TMEM267: variants seen among roughly 807,000 people sequenced by gnomAD.
The protein encoded by TMEM267 is transmembrane protein 267, also known as transmembrane protein C5orf28.
In TMEM267, 20 loss-of-function variants were observed where a neutral mutation model predicts 19.3. The ratio of observed to expected loss-of-function variants is 1.04; its 90% confidence interval spans 0.73 to 1.51. TMEM267 has a LOEUF of 1.51. Ranked by LOEUF, TMEM267 falls within the 40% of genes most tolerant of loss-of-function variation. The probability of loss-of-function intolerance (pLI) is 0.00; values close to 1 mark genes in which losing one functional copy is unlikely to be tolerated. For missense variants in TMEM267, 242 were observed against 261.9 expected (o/e 0.92, Z 0.52); for synonymous variants, 88 against 90.3 (o/e 0.97, Z 0.15).
chr5:43,445,753 A>C lies in TMEM267; in HGVS notation c.*469T>G, dbSNP rs11547957. 0.061 allele frequency: 9,339 copies of C among 152,656 alleles called. 381 individuals are homozygous for C. Among genetic ancestry groups the C allele is most frequent in the Middle Eastern group, 0.16 (46 of 296 alleles). The allele number at this position is 152,656 out of a possible 1,614,324, so 9.5% of individuals were successfully genotyped here. On this transcript the variant is annotated 3_prime_UTR_variant, in exon 3 of 3. Coordinates refer to ENST00000397080, the MANE Select transcript of TMEM267 (RefSeq NM_022483.5). ...ATGTTAGCATTAACTATACATTTGT[A>C]TAGTTAAATGATTCATATCATTTAT...
chr5:43,460,555 A>C (rs1194045495), intron 1 of TMEM267, among the ~76,000 whole-genome samples: 1 of 152,106 alleles, frequency 6.6e-6, no homozygotes, highest in South Asian at 2.1e-4. Context: ...GGATTAAAAA[A>C]AAAACAAAAC....
At chr5:43,453,452 T>A (rs1742732007) in intron 2 of TMEM267, among the ~76,000 whole-genome samples, 2 of 152,216 alleles carry the variant, frequency 1.3e-5, no homozygotes, top group African/African-American at 4.8e-5. Context: ...TCTATGTGAA[T>A]CCATAGCAGT....
chr5:43,477,313 G>T (rs2112205917), intron 1 of TMEM267, among the ~76,000 whole-genome samples: 1 of 152,250 alleles, frequency 6.6e-6, no homozygotes, highest in East Asian at 1.9e-4. Context: ...CACAGGCCGG[G>T]GGCGGTGGCT....
At chr5:43,461,638 C>T (rs1298325671) in intron 1 of TMEM267, among the ~76,000 whole-genome samples, 1 of 152,088 alleles carries the variant, frequency 6.6e-6, no homozygotes, top group African/African-American at 2.4e-5. Flanking sequence ...GGGGCATTAG[C>T]AGTGTTCTGG....
chr5:43,476,522 T>A (rs1317503662), intron 1 of TMEM267, among the ~76,000 whole-genome samples: 4 of 145,234 alleles, frequency 2.8e-5, no homozygotes, highest in African/African-American at 5.2e-5. Context: ...TTTTTTTTTT[T>A]TTTTTTTTTT....
Position 43,445,145 on chromosome 5 carries a change from T to C in TMEM267, c.*1077A>G, listed in dbSNP as rs1197819313. Reference sequence around the variant, plus strand: ...TAATAAACTGTGCAAATATAAGATGTATAGCAACTAAATTTTCCTTCTCTA... The same window carrying C: ...TAATAAACTGTGCAAATATAAGATGCATAGCAACTAAATTTTCCTTCTCTA... On this transcript the variant is annotated 3_prime_UTR_variant, in exon 3 of 3. Coordinates refer to ENST00000397080, the MANE Select transcript of TMEM267 (RefSeq NM_022483.5). 2.0e-5 allele frequency: 3 copies of C among 152,182 alleles called. No individual in the cohort carries two copies. The highest frequency in any genetic ancestry group is 7.2e-5 in the African/African-American group (3 of 41,450). 9.4% of individuals were successfully genotyped at this position (152,182 alleles called of 1,614,324 possible).
At chr5:43,483,153 TGACA>T (rs1744895485) in intron 1 of TMEM267, among the ~76,000 whole-genome samples, 1 of 152,234 alleles carries the variant, frequency 6.6e-6, no homozygotes, top group Admixed American at 6.5e-5. Flanking sequence ...TGCAACTAAC[TGACA>T]AAGGAAACAC....
intron 2 of TMEM267, among the ~76,000 whole-genome samples, chr5:43,452,435 C>T (rs1259293195): frequency 6.6e-6 from 1 of 152,056 alleles, no homozygotes; most frequent in African/African-American, 2.4e-5. Context: ...ATAACAGACA[C>T]TGGAGACTCC....
chr5:43,470,487 A>C (rs1297621916), intron 1 of TMEM267, among the ~76,000 whole-genome samples: 1 of 152,176 alleles, frequency 6.6e-6, no homozygotes. Flanking sequence ...ATGACTCCCA[A>C]AATGTATAAA....
chr5:43,450,957 C>T (rs770166783), intron 2 of TMEM267, among the ~76,000 whole-genome samples: 9 of 152,086 alleles, frequency 5.9e-5, no homozygotes, highest in Non-Finnish European at 1.0e-4. Flanking sequence ...GCCTCAACCT[C>T]CCAAGTAGCT....
intron 1 of TMEM267, among the ~76,000 whole-genome samples, chr5:43,455,104 T>C (rs1217794072): frequency 6.6e-6 from 1 of 152,168 alleles, no homozygotes; most frequent in Non-Finnish European, 1.5e-5. Context: ...GGACTACTTA[T>C]GCCATCTTAT....
chr5:43,459,194 C>A (rs1232389320), intron 1 of TMEM267, among the ~76,000 whole-genome samples: 1 of 152,022 alleles, frequency 6.6e-6, no homozygotes, highest in Non-Finnish European at 1.5e-5. Context: ...AATTATACAC[C>A]CATGTATGAT....
intron 1 of TMEM267, among the ~76,000 whole-genome samples, chr5:43,460,016 C>T (rs1216544761): frequency 1.3e-5 from 2 of 152,262 alleles, no homozygotes; most frequent in East Asian, 3.9e-4. Flanking sequence ...TAGAGAGTTC[C>T]ATCTTAGGAT....
chr5:43,473,616 C>A (rs181940632), intron 1 of TMEM267, among the ~76,000 whole-genome samples: 3 of 152,206 alleles, frequency 2.0e-5, no homozygotes, highest in Admixed American at 2.0e-4. Context: ...AGAGAGGACA[C>A]AAACAAATGG....
chr5:43,454,057 T>C lies in TMEM267; in HGVS notation c.-74-14A>G, dbSNP rs1388550625. On this transcript the variant is annotated splice_polypyrimidine_tract_variant and intron_variant, in intron 1 of 2. Transcript: ENST00000397080. ...ATTTCCAGCACCCTAAAGGAGAAAG[T>C]AGAGAAAAATATGAATGAAGATTAT... is the stretch of plus-strand genomic sequence containing the variant. 13 of 1,481,782 alleles carry C rather than the reference T, an allele frequency of 8.8e-6. No individual in the cohort carries two copies. The highest frequency in any genetic ancestry group is 7.1e-5 in the African/African-American group (5 of 70,796). The allele number at this position is 1,481,782 out of a possible 1,614,324, so 91.8% of individuals were successfully genotyped here. A position where few individuals can be genotyped will look rare whatever the true frequency, so the allele number is the denominator to read the frequency against.
In TMEM267 at chr5:43,461,672, G is replaced by A. The variant is rs193103079; in HGVS notation, c.-74-7629C>T. Among the ~76,000 whole-genome samples the A allele has an allele frequency of 3.3e-5, 5 of 152,282 alleles. No individual in the cohort carries two copies. The East Asian group carries it at 9.7e-4, about 29-fold the overall frequency. On this transcript the variant is annotated intron_variant, in intron 1 of 2. Coordinates refer to ENST00000397080, the MANE Select transcript of TMEM267 (RefSeq NM_022483.5). ...GGCAGTACTCTTTGTGACCTGGGGTGGTGGTGGCTATGGAGTCAGGCTCCT... is the reference window on the plus strand; with the variant it reads ...GGCAGTACTCTTTGTGACCTGGGGTAGTGGTGGCTATGGAGTCAGGCTCCT...
chr5:43,477,270 T>C (rs1004860688), intron 1 of TMEM267, among the ~76,000 whole-genome samples: 2 of 151,762 alleles, frequency 1.3e-5, no homozygotes, highest in African/African-American at 4.8e-5. Flanking sequence ...TTTGAAACTA[T>C]CCCTCAAGAA....
At chr5:43,480,903 T>G (rs1244830415) in intron 1 of TMEM267, among the ~76,000 whole-genome samples, 1 of 145,428 alleles carries the variant, frequency 6.9e-6, no homozygotes, top group Non-Finnish European at 1.5e-5. Flanking sequence ...CCCGGGTTCA[T>G]GCCACTCTCC....
Position 43,483,013 on chromosome 5 carries a change from G to T in TMEM267, c.-75+809C>A, listed in dbSNP as rs929945051. On this transcript the variant is annotated intron_variant, in intron 1 of 2. Coordinates refer to ENST00000397080, the MANE Select transcript of TMEM267 (RefSeq NM_022483.5). ...ATGCAAAAACCCAAGGTCAAAACACGGTCCAAATTCCAGAAACCGCCTTTA... is the reference window on the plus strand; with the variant it reads ...ATGCAAAAACCCAAGGTCAAAACACTGTCCAAATTCCAGAAACCGCCTTTA... Among the ~76,000 whole-genome samples, 69 of 152,086 alleles carry T rather than the reference G, an allele frequency of 4.5e-4. 1 individual carries two copies. The highest frequency in any genetic ancestry group is 8.8e-5 in the Non-Finnish European group (6 of 68,026).
Sources: gnomAD v4.1 joint callset for allele counts (sites outside exome capture counted in the v4.1 genomes callset) on GRCh38, gnomAD v4.1.1 for gene constraint, MANE v1.5 for transcripts, NCBI Gene and HGNC (gene_info 2026-07-23, HGNC 2026-07-21) for gene names.